The following ERCC6 variants were observed in gnomAD, a reference collection of about 807,000 sequenced individuals.
The protein encoded by ERCC6 is ERCC excision repair 6, chromatin remodeling factor.
A neutral mutation model predicts 158.7 loss-of-function variants in ERCC6; 116 were observed. That is an observed-to-expected ratio of 0.73 (90% confidence interval 0.63 to 0.85). The LOEUF (loss-of-function observed/expected upper bound fraction) is 0.85, where lower values mean the gene tolerates loss of function less well. Ranked by LOEUF, ERCC6 falls within the 40% of genes least tolerant of loss-of-function variation. The probability of loss-of-function intolerance (pLI) is 0.00; values close to 1 mark genes in which losing one functional copy is unlikely to be tolerated. For missense variants in ERCC6, 1,698 were observed against 1,799.4 expected, an observed-to-expected ratio of 0.94 and a Z score of 1.02; for synonymous variants, 678 against 659.3, an observed-to-expected ratio of 1.03 and a Z score of -0.43.
Position 49,458,741 on chromosome 10 carries a change from A to T in ERCC6, c.*74T>A. ...CAGCCAACTTCCATTGACAAACATG[A>T]TTATTAATAATAAATTAATAATCAG... On this transcript the variant is annotated 3_prime_UTR_variant, in exon 21 of 21. Transcript: ENST00000355832. 6.8e-7 allele frequency: 1 copy of T among 1,462,366 alleles called. No individual in the cohort carries two copies. The highest frequency in any genetic ancestry group is 2.3e-5 in the East Asian group (1 of 43,170). The allele number at this position is 1,462,366 out of a possible 1,614,324, so 90.6% of individuals were successfully genotyped here.
At chr10:49,527,768 G>A (rs1306448446) in intron 4 of ERCC6, among the ~76,000 whole-genome samples, 2 of 152,152 alleles carry the variant, frequency 1.3e-5, no homozygotes, top group Non-Finnish European at 2.9e-5. Context: ...GTAGAAAATA[G>A]TTGCTTAGAG....
At chr10:49,450,696 CAG>C (rs940306723), downstream of ERCC6, among the ~76,000 whole-genome samples, 2 of 152,136 alleles carry the variant, frequency 1.3e-5, no homozygotes, top group African/African-American at 4.8e-5. Context: ...TTGTAGTTTT[CAG>C]AGTGTAAGTT....
At chr10:49,469,932 A>G (rs185683738) in intron 18 of ERCC6, among the ~76,000 whole-genome samples, 1 of 152,336 alleles carries the variant, frequency 6.6e-6, no homozygotes, top group African/African-American at 2.4e-5. Context: ...CGATTTAAGA[A>G]TTGCACACCT....
the ERCC6 span, among the ~76,000 whole-genome samples, chr10:49,436,008 G>T: frequency 1.1e-4 from 3 of 26,810 alleles, no homozygotes; most frequent in Admixed American, 5.2e-4. Flanking sequence ...TCAAAAAAAA[G>T]AAAGAAAGAA....
intron 1 of ERCC6, among the ~76,000 whole-genome samples, chr10:49,535,380 G>C (rs1282754258): frequency 6.6e-6 from 1 of 152,196 alleles, no homozygotes; most frequent in Non-Finnish European, 1.5e-5. Context: ...AGGTACCTAA[G>C]GTCATTTTGG....
At chr10:49,439,767 CT>C in the ERCC6 span, among the ~76,000 whole-genome samples, 91 of 152,298 alleles carry the variant, frequency 6.0e-4, 1 homozygote, top group Middle Eastern at 3.4e-3. Context: ...TGCTTTGCTG[CT>C]TGGAAATTTC....
At chr10:49,435,417 C>G in the ERCC6 span, among the ~76,000 whole-genome samples, 15 of 152,146 alleles carry the variant, frequency 9.9e-5, no homozygotes, top group African/African-American at 3.6e-4. Context: ...TGATCAGTTG[C>G]TAAGCAACAA....
chr10:49,442,049 A>G, the ERCC6 span, among the ~76,000 whole-genome samples: 1 of 152,074 alleles, frequency 6.6e-6, no homozygotes, highest in East Asian at 1.9e-4. Flanking sequence ...GTATCCAAAC[A>G]AGACCCGCGC....
Position 49,474,020 on chromosome 10 carries a change from C to A in ERCC6, c.2598+7G>T, listed in dbSNP as rs769421755. 3.1e-6 allele frequency: 5 copies of A among 1,612,964 alleles called. No homozygotes were observed. Among genetic ancestry groups the A allele is most frequent in the Non-Finnish European group, 4.2e-6 (5 of 1,179,362 alleles). ...GCCTGTTTCCCGTCTGAAGTCTGTG[C>A]ACTCACCTGCCTTGACTGAGAAAAC... is the stretch of plus-strand genomic sequence containing the variant. On this transcript the variant is annotated splice_region_variant and intron_variant, in intron 13 of 20. Coordinates refer to ENST00000355832, the MANE Select transcript of ERCC6 (RefSeq NM_000124.4).
intron 8 of ERCC6, among the ~76,000 whole-genome samples, chr10:49,489,136 A>G (rs1033416105): frequency 5.3e-5 from 8 of 152,178 alleles, no homozygotes; most frequent in African/African-American, 1.9e-4. Context: ...TCTGGGGCCA[A>G]ATGTATCTGA....
At chr10:49,533,749 G>A (rs1321353895) in intron 1 of ERCC6, among the ~76,000 whole-genome samples, 1 of 152,174 alleles carries the variant, frequency 6.6e-6, no homozygotes, top group African/African-American at 2.4e-5. Flanking sequence ...GCTGCAGTGA[G>A]CCATGATTGC....
the ERCC6 span, among the ~76,000 whole-genome samples, chr10:49,441,975 C>A: frequency 4.6e-5 from 7 of 152,234 alleles, no homozygotes; most frequent in Middle Eastern, 3.4e-3. Context: ...GCGGCAGAAA[C>A]GAACGGCCTC....
rs1192651141 is a variant in ERCC6, at chr10:49,524,437, G to T, written c.993C>A (p.His331Gln). Reference sequence around the variant, plus strand: ...AAGCCCTCTTCTGGAGTTTCTTGATGTGCTTTTTCAAACGCTCCTCTTTTT... The same window carrying T: ...AAGCCCTCTTCTGGAGTTTCTTGATTTGCTTTTTCAAACGCTCCTCTTTTT... ...LSKKEERLKK[H>Q]IKKLQKRALQ... Residue 331 changes from histidine to glutamine, a missense_variant, in exon 5 of 21, where the codon CAC (histidine) becomes CAA (glutamine). His to Gln is a conservative substitution (Grantham distance 24). Coordinates refer to ENST00000355832, the MANE Select transcript of ERCC6 (RefSeq NM_000124.4). The T allele has an allele frequency of 6.2e-7, 1 of 1,614,200 alleles. No individual in the cohort carries two copies. Among genetic ancestry groups the T allele is most frequent in the Non-Finnish European group, 8.5e-7 (1 of 1,180,032 alleles).
intron 1 of ERCC6, among the ~76,000 whole-genome samples, chr10:49,538,552 T>C (rs1266144573): frequency 2.6e-5 from 4 of 152,158 alleles, no homozygotes; most frequent in African/African-American, 9.7e-5. Flanking sequence ...GCGGCCTGCC[T>C]CATCCGCCCA....
rs1000658131 is a variant in ERCC6, at chr10:49,532,966, C to G, written c.-2G>C. The G allele has an allele frequency of 1.2e-5, 19 of 1,614,080 alleles. No homozygotes were observed. In the Admixed American group the frequency reaches 1.7e-4, roughly 14 times the overall value. On this transcript the variant is annotated 5_prime_UTR_variant, in exon 2 of 21. Transcript: ENST00000355832. ...GTGGGGGATTCCCTCATTTGGCATT[C>G]TCTACAGACTACCTAAAAGGAAAAA...
Position 49,524,512 on chromosome 10 carries a change from G to T in ERCC6, c.918C>A (p.Ala306=). Residue 306 remains alanine, a synonymous_variant, in exon 5 of 21, where the codon GCC becomes GCA. Coordinates refer to ENST00000355832, the MANE Select transcript of ERCC6 (RefSeq NM_000124.4). ...TTGGTTTGTTTTTATTTTGCACTGG[G>T]GCTGGAGGCGTGACTGGGGCTGGAG... ...RKAPAPVTPP[A]PVQNKNKPNK... 1.9e-6 allele frequency: 3 copies of T among 1,614,120 alleles called. No homozygotes were observed. The highest frequency in any genetic ancestry group is 2.5e-6 in the Non-Finnish European group (3 of 1,180,014).
At chr10:49,501,797 A>G (rs1428356307) in intron 6 of ERCC6, 2 of 148,042 alleles carry the variant, frequency 1.4e-5, no homozygotes, top group Non-Finnish European at 3.0e-5. Flanking sequence ...CTCTACAAGA[A>G]AAAAAAAAAA....
chr10:49,517,064 A>G, intron 5 of ERCC6: 2 of 1,611,210 alleles, frequency 1.2e-6, no homozygotes, highest in Non-Finnish European at 1.7e-6. Context: ...CTATGCTGTC[A>G]TCTGTCTCTA....
chr10:49,536,164 T>C (rs907162747), intron 1 of ERCC6, among the ~76,000 whole-genome samples: 13 of 152,146 alleles, frequency 8.5e-5, no homozygotes, highest in African/African-American at 2.9e-4. Context: ...AAAACCAGAC[T>C]GTAGTGGTTG....
Sources: gnomAD v4.1 joint callset for allele counts (sites outside exome capture counted in the v4.1 genomes callset) on GRCh38, gnomAD v4.1.1 for gene constraint, MANE v1.5 for transcripts, NCBI Gene and HGNC (gene_info 2026-07-23, HGNC 2026-07-21) for gene names.